Variants in SLC12A7 observed in about 807,000 individuals in gnomAD.
SLC12A7 encodes the protein solute carrier family 12 member 7.
Under a neutral mutation model 120.6 loss-of-function variants are expected in SLC12A7, and 100 were observed. That is an observed-to-expected ratio of 0.83 (90% CI 0.71 to 0.98). The LOEUF (loss-of-function observed/expected upper bound fraction) is 0.98. Ranked by LOEUF, SLC12A7 falls within the 50% of genes least tolerant of loss-of-function variation. The pLI is 0.00. For synonymous variants in SLC12A7, 760 were observed against 678.0 expected (o/e 1.12, Z -1.88); for missense variants, 1,373 against 1,548.1 (o/e 0.89, Z 1.90).
rs540879002 is a variant in SLC12A7, at chr5:1,112,030, C to G, written c.-39G>C. 30 of 1,228,870 alleles carry G rather than the reference C, an allele frequency of 2.4e-5. No individual in the cohort carries two copies. In the South Asian group the frequency reaches 6.4e-4, roughly 26 times the overall value. The allele number at this position is 1,228,870 out of a possible 1,614,324, so 76.1% of individuals were successfully genotyped here. A position where few individuals can be genotyped will look rare whatever the true frequency, so the allele number is the denominator to read the frequency against. ...CGACAGTCCCCGTCCCGGCCCGGCC[C>G]GCGCTGCGCCGCTCCCGCCGACGCC... is the stretch of plus-strand genomic sequence containing the variant. On this transcript the variant is annotated 5_prime_UTR_variant, in exon 1 of 24. Transcript: ENST00000264930.
chr5:1,134,268 G>T, the SLC12A7 span, among the ~76,000 whole-genome samples: 3 of 152,084 alleles, frequency 2.0e-5, no homozygotes, highest in Non-Finnish European at 4.4e-5. Context: ...TCAGGAGTTC[G>T]AGACCAGCCT....
At chr5:1,083,635 C>A in intron 8 of SLC12A7, 110 bp downstream of exon 8, 1 of 1,145,372 alleles carries the variant, frequency 8.7e-7, no homozygotes, top group Non-Finnish European at 1.3e-6. Context: ...CTCGGCCAGG[C>A]AGGAGGAATT....
chr5:1,138,225 G>A, the SLC12A7 span, among the ~76,000 whole-genome samples: 7 of 152,248 alleles, frequency 4.6e-5, no homozygotes, highest in South Asian at 1.5e-3. Flanking sequence ...CCACATCATT[G>A]AAATGAACCC....
the SLC12A7 span, among the ~76,000 whole-genome samples, chr5:1,130,627 A>ACACGC: frequency 9.1e-6 from 1 of 110,088 alleles, no homozygotes. Context: ...GGGTGGGGGC[A>ACACGC]GCAGGGAGGG....
chr5:1,092,298 G>A (rs1740612377), intron 3 of SLC12A7, among the ~76,000 whole-genome samples: 1 of 152,262 alleles, frequency 6.6e-6, no homozygotes, highest in East Asian at 1.9e-4. Flanking sequence ...GCACTCAGGG[G>A]TGGCGTCGAC....
the SLC12A7 span, among the ~76,000 whole-genome samples, chr5:1,141,133 G>C: frequency 0.087 from 13,309 of 152,248 alleles, 1,944 homozygotes; most frequent in African/African-American, 0.3. Context: ...TGAGCTGTAG[G>C]CGGGCACCGG....
chr5:1,085,686 G>GTGGGGGT (rs1561080023), intron 6 of SLC12A7, among the ~76,000 whole-genome samples: 11 of 150,992 alleles, frequency 7.3e-5, no homozygotes, highest in African/African-American at 2.7e-4. Context: ...GACGGAGCCC[G>GTGGGGGT]CGGGGGTCAG....
At chr5:1,153,439 C>T in the SLC12A7 span, among the ~76,000 whole-genome samples, 2 of 152,234 alleles carry the variant, frequency 1.3e-5, no homozygotes, top group South Asian at 2.1e-4. Context: ...TCCTCAGGGG[C>T]CTCTGGGGGG....
At chr5:1,099,307 C>T (rs867300961) in intron 1 of SLC12A7, among the ~76,000 whole-genome samples, 5 of 151,872 alleles carry the variant, frequency 3.3e-5, no homozygotes, top group East Asian at 1.9e-4. Flanking sequence ...CTCCGGTGGA[C>T]GGCAGAACCC....
Position 1,053,499 on chromosome 5 carries a change from C to T in SLC12A7, c.3027-17G>A. 6.2e-7 allele frequency: 1 copy of T among 1,611,496 alleles called. No homozygotes were observed. Among genetic ancestry groups the T allele is most frequent in the South Asian group, 1.1e-5 (1 of 90,840 alleles). On this transcript the variant is annotated splice_polypyrimidine_tract_variant and intron_variant, in intron 22 of 23. Transcript: ENST00000264930. The stretch of plus-strand genomic sequence containing the variant: ...GACTGGTCCCTGCAGGGGAGGTGGG[C>T]ACGGTCAGCGGGCGGCGGGTGCACC...
Position 1,077,820 on chromosome 5 carries a change from G to C in SLC12A7, c.1629+13C>G, listed in dbSNP as rs753610655. 2.1e-5 allele frequency: 33 copies of C among 1,570,976 alleles called. No individual in the cohort carries two copies. In the African/African-American group the frequency reaches 3.9e-4, roughly 19 times the overall value. ...ACCTTCCAGGGTCCCCCCGACGAGGGTGCGGGACTCACCTGCAGGAAGGGG... is the reference window on the plus strand; with the variant it reads ...ACCTTCCAGGGTCCCCCCGACGAGGCTGCGGGACTCACCTGCAGGAAGGGG... On this transcript the variant is annotated intron_variant, in intron 12 of 23. Coordinates refer to ENST00000264930, the MANE Select transcript of SLC12A7 (RefSeq NM_006598.3).
the SLC12A7 span, among the ~76,000 whole-genome samples, chr5:1,142,353 TCTCCCCTCTCCCCTCC>T: frequency 1.2e-5 from 1 of 82,076 alleles, no homozygotes; most frequent in Non-Finnish European, 2.3e-5. Context: ...CCCTCTTCCC[TCTCCCCTCTCCCCTCC>T]ACCCTCTCCT....
At chr5:1,067,978 G>A (rs1005135144) in intron 17 of SLC12A7, among the ~76,000 whole-genome samples, 1 of 152,170 alleles carries the variant, frequency 6.6e-6, no homozygotes, top group African/African-American at 2.4e-5. Flanking sequence ...ACCTCAACCC[G>A]GAGGACAACT....
At chr5:1,069,921 C>A (rs1047747262) in intron 17 of SLC12A7, among the ~76,000 whole-genome samples, 2 of 152,108 alleles carry the variant, frequency 1.3e-5, no homozygotes, top group African/African-American at 2.4e-5. Flanking sequence ...ACGCCCGGGG[C>A]ACTCACCCGT....
intron 14 of SLC12A7, 154 bp downstream of exon 14, chr5:1,075,984 G>A: frequency 1.6e-6 from 1 of 620,874 alleles, no homozygotes; most frequent in Non-Finnish European, 2.8e-6. Context: ...GGACGCGCTG[G>A]GGTCTTCAGG....
In SLC12A7 at chr5:1,112,038, G is replaced by C. The variant is rs771176387; in HGVS notation, c.-47C>G. 5 of 1,216,230 alleles carry C rather than the reference G, an allele frequency of 4.1e-6. No individual in the cohort carries two copies. Among genetic ancestry groups the C allele is most frequent in the South Asian group, 7.8e-5 (2 of 25,658 alleles). 75.3% of individuals were successfully genotyped at this position (1,216,230 alleles called of 1,614,324 possible). A position where few individuals can be genotyped will look rare whatever the true frequency, so the allele number is the denominator to read the frequency against. On this transcript the variant is annotated 5_prime_UTR_variant, in exon 1 of 24. Coordinates refer to ENST00000264930, the MANE Select transcript of SLC12A7 (RefSeq NM_006598.3). The stretch of plus-strand genomic sequence containing the variant: ...CCCGTCCCGGCCCGGCCCGCGCTGC[G>C]CCGCTCCCGCCGACGCCACGGGACT...
chr5:1,126,945 T>A, the SLC12A7 span, among the ~76,000 whole-genome samples: 1 of 152,168 alleles, frequency 6.6e-6, no homozygotes, highest in East Asian at 1.9e-4. Context: ...GGGAGGTGGC[T>A]CCTTGCAGTT....
chr5:1,063,945 T>C lies in SLC12A7; in HGVS notation c.2638A>G (p.Thr880Ala). The stretch of plus-strand genomic sequence containing the variant: ...CTGTTGTCGTCCACCTGGGCCACGG[T>C]GAAGATACGCATCCGGCACTTCCTC... ...VWRKCRMRIF[T>A]VAQVDDNSIQ... Residue 880 changes from threonine to alanine, a missense_variant, in exon 20 of 24, where the codon ACC (threonine) becomes GCC (alanine). Physicochemically the swap from Thr to Ala is moderately conservative, Grantham distance 58 (BLOSUM62 0). Coordinates refer to ENST00000264930, the MANE Select transcript of SLC12A7 (RefSeq NM_006598.3). The C allele has an allele frequency of 6.2e-7, 1 of 1,612,518 alleles. No homozygotes were observed. The highest frequency in any genetic ancestry group is 8.5e-7 in the Non-Finnish European group (1 of 1,179,810).
chr5:1,067,859 C>CTGTGT (rs1273894477), intron 17 of SLC12A7, among the ~76,000 whole-genome samples: 101 of 149,306 alleles, frequency 6.8e-4, no homozygotes, highest in Admixed American at 4.0e-3. Context: ...CAAGTCAGCA[C>CTGTGT]CGTGTCGGGG....
Sources: allele counts gnomAD v4.1 joint callset (sites outside exome capture counted in the v4.1 genomes callset), GRCh38; gene constraint gnomAD v4.1.1; transcripts MANE v1.5; gene names NCBI Gene and HGNC (gene_info 2026-07-23, HGNC 2026-07-21).